The following REPS2 variants were observed in gnomAD, a reference collection of about 807,000 sequenced individuals.
REPS2 encodes RALBP1 associated Eps domain containing 2.
Under a neutral mutation model 53.6 loss-of-function variants are expected in REPS2, and 23 were observed. That is an observed-to-expected ratio of 0.43 (90% CI 0.31 to 0.61). REPS2 has a LOEUF of 0.61. REPS2 is among the 20% of genes least tolerant of loss of function. REPS2 has a pLI of 0.11. For missense variants in REPS2, 446 were observed against 534.9 expected, an observed-to-expected ratio of 0.83 and a Z score of 1.64; for synonymous variants, 238 against 218.6, an observed-to-expected ratio of 1.09 and a Z score of -0.78.
chrX:17,076,742 T>C (rs760980282), intron 12 of REPS2, among the ~76,000 whole-genome samples: 1 of 112,174 alleles, frequency 8.9e-6, no homozygotes, highest in South Asian at 3.7e-4. Flanking sequence ...AAAGACAAGC[T>C]AGACCCCTCA....
intron 14 of REPS2, among the ~76,000 whole-genome samples, chrX:17,115,057 GTGGAACGTGAGACT>G (rs753939804): frequency 1.7e-3 from 192 of 112,152 alleles, no homozygotes; most frequent in Non-Finnish European, 3.3e-3. Context: ...TTCTCGTTAG[GTGGAACGTGAGACT>G]TGGAAAAGAA....
rs1569083704 is a variant in REPS2 at position 16,951,548 on chromosome X, CACACACA to C, written c.273+4415_273+4421del. ...ACACACACACACACACACACACACA[CACACACA>C]CACACCCCCGCTACCTACCTCTCTC... On this transcript the variant is annotated intron_variant, in intron 1 of 17. Transcript: ENST00000357277. Among the ~76,000 whole-genome samples, 4 of 33,151 alleles carry C rather than the reference CACACACA, an allele frequency of 1.2e-4. 1 individual carries two copies. The highest frequency in any genetic ancestry group is 3.3e-4 in the Non-Finnish European group (4 of 12,173). 28.8% of individuals were successfully genotyped at this position (33,151 alleles called of 115,157 possible). A position where few individuals can be genotyped will look rare whatever the true frequency, so the allele number is the denominator to read the frequency against.
rs373014837 is a variant in REPS2, at chrX:17,138,954, A to T, written c.1907A>T (p.Gln636Leu). 2.6e-6 allele frequency: 3 copies of T among 1,171,409 alleles called. No individual in the cohort carries two copies. The highest frequency in any genetic ancestry group is 2.5e-5 in the Admixed American group (1 of 39,919). ...LARLNSELQQ[Q>L]LKEVHQERIA... ...CGGCTGAACAGTGAGCTCCAGCAGC[A>T]GCTCAAGGTAAGGAATGAGTCCCAG... The change falls in exon 17 of 18, where the codon CAG becomes CTG. Residue 636 changes from glutamine to leucine, a missense_variant. Transcript: ENST00000357277.
chrX:17,014,719 G>A (rs1295368686), intron 2 of REPS2, among the ~76,000 whole-genome samples: 1 of 112,256 alleles, frequency 8.9e-6, no homozygotes, highest in Non-Finnish European at 1.9e-5. Context: ...GGAGCCAGCA[G>A]TCAGGAGTCA....
chrX:16,995,908 GA>G, intron 1 of REPS2, among the ~76,000 whole-genome samples: 2 of 111,652 alleles, frequency 1.8e-5, no homozygotes, highest in Middle Eastern at 9.3e-3. Context: ...ATTGTGGTGG[GA>G]CTGTCAATTT....
chrX:17,142,546 G>A (rs1375262723), intron 17 of REPS2, among the ~76,000 whole-genome samples: 2 of 111,878 alleles, frequency 1.8e-5, no homozygotes, highest in East Asian at 5.6e-4. Flanking sequence ...ATGGGCAAAG[G>A]ATTTGAACAG....
rs753653787 is a variant in REPS2, at chrX:17,054,948, C to A, written c.1112C>A (p.Ala371Glu). ...PPTLQPEYLQ[A>E]AFPKPKWDCQ... ...ACTCTGCAGCCAGAATACCTGCAGG[C>A]AGGTAAGGCCTCACCATCAACTGTA... Residue 371 changes from alanine to glutamate, a missense_variant and splice_region_variant, in exon 8 of 18, where the codon GCA (alanine) becomes GAA (glutamate). Ala to Glu is a moderately radical substitution (Grantham distance 107). Transcript: ENST00000357277. 1 of 1,208,855 alleles carries A rather than the reference C, an allele frequency of 8.3e-7. No homozygotes were observed.
At chrX:16,968,493 G>A (rs1224772765) in intron 1 of REPS2, among the ~76,000 whole-genome samples, 27 of 101,106 alleles carry the variant, frequency 2.7e-4, no homozygotes, top group African/African-American at 3.6e-4. Context: ...CCTCCCTCCC[G>A]GACGGGGCGG....
chrX:16,982,441 A>G (rs1298429355), intron 1 of REPS2, among the ~76,000 whole-genome samples: 1 of 112,189 alleles, frequency 8.9e-6, no homozygotes, highest in African/African-American at 3.2e-5. Flanking sequence ...TCACTTCCAT[A>G]GAACAGTTTG....
chrX:17,071,702 A>G (rs1189884402), intron 11 of REPS2, among the ~76,000 whole-genome samples: 1 of 111,372 alleles, frequency 9.0e-6, no homozygotes, highest in Admixed American at 9.5e-5. Context: ...AGAATTCTGG[A>G]TGGCTGTCCT....
the REPS2 span, among the ~76,000 whole-genome samples, chrX:17,174,288 A>G: frequency 8.9e-6 from 1 of 112,089 alleles, no homozygotes; most frequent in Non-Finnish European, 1.9e-5. Context: ...TACCTCGCGT[A>G]CATCAAGGGA....
chrX:17,137,946 G>A (rs2063393541), intron 16 of REPS2: 1 of 112,463 alleles, frequency 8.9e-6, no homozygotes, highest in African/African-American at 3.2e-5. Flanking sequence ...AGTGGTCACA[G>A]TCCATTCTAG....
rs1270498483 is a variant in REPS2, at chrX:17,069,958, A to G, written c.1298A>G (p.Asn433Ser). 1.6e-5 allele frequency: 18 copies of G among 1,145,190 alleles called. No homozygotes were observed. Among genetic ancestry groups the G allele is most frequent in the Non-Finnish European group, 2.0e-5 (17 of 859,775 alleles). The allele number at this position is 1,145,190 out of a possible 1,213,427, so 94.4% of individuals were successfully genotyped here. ...CAACTAGCTTTGAAAAGTACTATCA[A>G]TGAAGCCTTACCAAAGGACGTGTCT... ...DDKQALKSTINEALPKDVSED... is the reference protein window; with the variant it reads ...DDKQALKSTISEALPKDVSED... Residue 433 changes from asparagine (N) to serine (S), a missense_variant, in exon 11 of 18, where the codon AAT (asparagine) becomes AGT (serine). Physicochemically the swap from Asn to Ser is conservative, Grantham distance 46. Coordinates refer to ENST00000357277, the MANE Select transcript of REPS2 (RefSeq NM_004726.3).
intron 5 of REPS2, 60 bp downstream of exon 5, chrX:17,029,683 G>A (rs961734412): frequency 7.3e-6 from 6 of 825,220 alleles, no homozygotes; most frequent in African/African-American, 4.1e-5. Context: ...GGGCTTCGGG[G>A]ACATGGCTTT....
At chrX:17,096,954 G>C (rs1187744803) in intron 13 of REPS2, among the ~76,000 whole-genome samples, 1 of 111,725 alleles carries the variant, frequency 9.0e-6, no homozygotes, top group Non-Finnish European at 1.9e-5. Context: ...AAGAATCACT[G>C]AGAATTGACC....
At chrX:17,029,669 C>A in intron 5 of REPS2, 46 bp downstream of exon 5, 1 of 958,244 alleles carries the variant, frequency 1.0e-6, no homozygotes, top group Non-Finnish European at 1.5e-6. Context: ...TAGAGTCAAG[C>A]TTTGGGCTTC....
intron 2 of REPS2, among the ~76,000 whole-genome samples, chrX:17,012,238 G>C (rs1025426909): frequency 9.1e-6 from 1 of 109,840 alleles, no homozygotes; most frequent in Non-Finnish European, 1.9e-5. Context: ...AATTAGCTGG[G>C]CGTGGTGACA....
the REPS2 span, among the ~76,000 whole-genome samples, chrX:17,160,546 T>C: frequency 8.9e-6 from 1 of 112,818 alleles, no homozygotes; most frequent in Non-Finnish European, 1.9e-5. Context: ...ATAGAAACAC[T>C]GTTGGCTTGC....
chrX:17,007,135 T>G (rs1402179683), intron 2 of REPS2, among the ~76,000 whole-genome samples: 1 of 112,142 alleles, frequency 8.9e-6, no homozygotes, highest in East Asian at 2.8e-4. Context: ...ACCTCTTAAC[T>G]GCTCATGCCT....
Sources: gnomAD v4.1 joint callset for allele counts (sites outside exome capture counted in the v4.1 genomes callset) on GRCh38, gnomAD v4.1.1 for gene constraint, MANE v1.5 for transcripts, NCBI Gene and HGNC (gene_info 2026-07-23, HGNC 2026-07-21) for gene names.